Variants in KDM5B observed in about 807,000 individuals in gnomAD.
KDM5B encodes lysine-specific demethylase 5B.
In KDM5B, 144 loss-of-function variants were observed where a neutral mutation model predicts 193.4. The ratio of observed to expected loss-of-function variants is 0.74; its 90% CI spans 0.65 to 0.86. KDM5B has a LOEUF of 0.86. Among genes scored for constraint, KDM5B ranks in the 40% least tolerant of loss-of-function variants. The probability of loss-of-function intolerance (pLI) is 0.00; values close to 1 mark genes in which losing one functional copy is unlikely to be tolerated. For missense variants in KDM5B, 1,833 were observed against 1,886.9 expected (o/e 0.97, Z 0.53); for synonymous variants, 668 against 682.6 (o/e 0.98, Z 0.33).
At chr1:202,783,377 C>A (rs1352180674) in intron 1 of KDM5B, among the ~76,000 whole-genome samples, 1 of 151,888 alleles carries the variant, frequency 6.6e-6, no homozygotes, top group Non-Finnish European at 1.5e-5. Flanking sequence ...TGGTGGCATG[C>A]ACCTGTAGTC....
intron 4 of KDM5B, chr1:202,767,483 A>G (rs760222230): frequency 4.3e-6 from 4 of 933,532 alleles, no homozygotes; most frequent in Non-Finnish European, 3.5e-6. Flanking sequence ...GCGGCACCTC[A>G]CCAAGACCTT....
intron 4 of KDM5B, among the ~76,000 whole-genome samples, chr1:202,768,084 T>C (rs1184730758): frequency 1.3e-5 from 2 of 152,220 alleles, no homozygotes; most frequent in African/African-American, 2.4e-5. Context: ...TACCACAGTA[T>C]ATCCCTACAA....
intron 5 of KDM5B, 105 bp downstream of exon 5, chr1:202,766,821 G>T: frequency 7.8e-7 from 1 of 1,285,520 alleles, no homozygotes; most frequent in African/African-American, 1.5e-5. Flanking sequence ...GATTAACAAG[G>T]TTCAAAACTA....
intron 1 of KDM5B, among the ~76,000 whole-genome samples, chr1:202,790,062 G>A (rs879422107): frequency 5.9e-5 from 9 of 151,654 alleles, no homozygotes; most frequent in Non-Finnish European, 1.2e-4. Context: ...TTGAGGGTTC[G>A]AGACCAGCCT....
chr1:202,758,380 T>C lies in KDM5B; in HGVS notation c.1197+11A>G, dbSNP rs200872579. The C allele has an allele frequency of 3.7e-6, 6 of 1,603,206 alleles. No homozygotes were observed. The African/African-American group carries it at 5.3e-5, about 14-fold the overall frequency. On this transcript the variant is annotated intron_variant, in intron 9 of 26. Coordinates refer to ENST00000367265, the MANE Select transcript of KDM5B (RefSeq NM_006618.5). ...TAAAATCCTAAATCAAAGCAGTATA[T>C]ATGTACATACATGGACTGGCATGTT...
intron 22 of KDM5B, 33 bp from the exon 23 acceptor site, chr1:202,733,919 C>A: frequency 6.3e-7 from 1 of 1,575,798 alleles, no homozygotes; most frequent in South Asian, 1.2e-5. Flanking sequence ...GGATGATGTC[C>A]GAGATGGCTT....
chr1:202,802,800 T>C (rs971675435), intron 1 of KDM5B, among the ~76,000 whole-genome samples: 2 of 152,172 alleles, frequency 1.3e-5, no homozygotes, highest in African/African-American at 4.8e-5. Flanking sequence ...CCTGAAATAC[T>C]CTAATACTCT....
At chr1:202,763,931 T>C (rs1205568720) in intron 6 of KDM5B, 118 bp downstream of exon 6, 1 of 639,798 alleles carries the variant, frequency 1.6e-6, no homozygotes, top group Non-Finnish European at 2.7e-6. Context: ...ATGTACTGGC[T>C]GCTCTAAATT....
At chr1:202,801,169 CA>C (rs1475600779) in intron 1 of KDM5B, among the ~76,000 whole-genome samples, 2 of 152,076 alleles carry the variant, frequency 1.3e-5, no homozygotes, top group Non-Finnish European at 2.9e-5. Flanking sequence ...GTATGCTTCA[CA>C]TTTTTTGTAA....
intron 4 of KDM5B, among the ~76,000 whole-genome samples, chr1:202,771,386 C>A (rs1029939031): frequency 7.2e-6 from 1 of 139,328 alleles, no homozygotes; most frequent in African/African-American, 2.6e-5. Context: ...TGCCTGCCAC[C>A]ACATCCAGCT....
intron 1 of KDM5B, among the ~76,000 whole-genome samples, chr1:202,792,080 T>C (rs1205429296): frequency 2.0e-5 from 3 of 152,192 alleles, no homozygotes; most frequent in Non-Finnish European, 2.9e-5. Flanking sequence ...ACTCAATTCA[T>C]TTCTTCATTC....
At chr1:202,776,581 G>T (rs1656963838) in intron 2 of KDM5B, among the ~76,000 whole-genome samples, 1 of 151,942 alleles carries the variant, frequency 6.6e-6, no homozygotes, top group Non-Finnish European at 1.5e-5. Flanking sequence ...AAAATACAGG[G>T]TCTTGCTCTG....
chr1:202,754,143 C>G (rs1466615888), intron 11 of KDM5B, among the ~76,000 whole-genome samples: 7 of 152,164 alleles, frequency 4.6e-5, no homozygotes, highest in Non-Finnish European at 7.3e-5. Context: ...CTAAGGAATT[C>G]TTATTCTTCA....
intron 1 of KDM5B, among the ~76,000 whole-genome samples, chr1:202,777,644 T>C (rs567099334): frequency 1.4e-3 from 219 of 152,118 alleles, no homozygotes; most frequent in African/African-American, 5.1e-3. Context: ...AGGTGAACAC[T>C]ACCACACTCA....
rs139343230 is a variant in KDM5B at position 202,729,822 on chromosome 1, C to A, written c.4382G>T (p.Arg1461Leu). Residue 1461 changes from arginine (R) to leucine (L), a missense_variant, in exon 26 of 27, where the codon CGT becomes CTT. Coordinates refer to ENST00000367265, the MANE Select transcript of KDM5B (RefSeq NM_006618.5). ...LERERSYELV[R>L]SAETHSLPSD... is the part of the protein sequence containing the mutation. ...GGGCAGGGAATGAGTTTCAGCAGAA[C>A]GAACTAATTCATAGCTACGCTCTCT... 1 of 1,614,016 alleles carries A rather than the reference C, an allele frequency of 6.2e-7. No homozygotes were observed. Among genetic ancestry groups the A allele is most frequent in the Non-Finnish European group, 8.5e-7 (1 of 1,179,994 alleles).
rs781079272 is a variant in KDM5B at position 202,740,689 on chromosome 1, A to T, written c.3069T>A (p.Asp1023Glu). The change falls in exon 20 of 27, where the codon GAT becomes GAA. Residue 1023 changes from aspartate to glutamate, a missense_variant. Around this residue, in one of 3 missense-constraint regions of KDM5B, gnomAD observed 1,379 missense variants for 1,349.6 expected, o/e 1.02. Coordinates refer to ENST00000367265, the MANE Select transcript of KDM5B (RefSeq NM_006618.5). ...TAAAACCAACCTGCAGGCCCTCTAC[A>T]TCCTGAAGCCAGTCTCTGGCTCTCT... ...SVQRARDWLQ[D>E]VEGLQAGGRV... 4.3e-6 allele frequency: 7 copies of T among 1,612,132 alleles called. No individual in the cohort carries two copies. Among genetic ancestry groups the T allele is most frequent in the South Asian group, 2.2e-5 (2 of 90,968 alleles).
chr1:202,735,568 T>G lies in KDM5B; in HGVS notation c.3284A>C (p.Asp1095Ala). Residue 1095 changes from aspartate (D) to alanine (A), a missense_variant, in exon 22 of 27, where the codon GAT becomes GCT. Around this residue, in one of 3 missense-constraint regions of KDM5B, gnomAD observed 1,379 missense variants for 1,349.6 expected, o/e 1.02. Transcript: ENST00000367265. ...SLLEVLCPRC[D>A]IGLLGLKRKQ... is the part of the protein sequence containing the mutation. ...CCTTTTCAATCCCAAAAGGCCAATA[T>G]CACATCGAGGACACAGCACCTAATG... is the stretch of plus-strand genomic sequence containing the variant. 2 of 1,613,872 alleles carry G rather than the reference T, an allele frequency of 1.2e-6. No homozygotes were observed. The highest frequency in any genetic ancestry group is 1.7e-6 in the Non-Finnish European group (2 of 1,179,870).
At chr1:202,765,601 C>T (rs1274098832) in intron 5 of KDM5B, among the ~76,000 whole-genome samples, 1 of 152,198 alleles carries the variant, frequency 6.6e-6, no homozygotes, top group Non-Finnish European at 1.5e-5. Context: ...TTACTTTAAA[C>T]ATGCTTATGG....
intron 19 of KDM5B, 86 bp from the exon 20 acceptor site, chr1:202,740,898 G>C: frequency 7.4e-7 from 1 of 1,353,370 alleles, no homozygotes; most frequent in African/African-American, 1.5e-5. Flanking sequence ...CATTTCAAAG[G>C]AAATTCAGTA....
Sources: allele counts gnomAD v4.1 joint callset (sites outside exome capture counted in the v4.1 genomes callset), GRCh38; gene constraint gnomAD v4.1.1; regional missense constraint gnomAD v4.1.1; transcripts MANE v1.5; gene names NCBI Gene and HGNC (gene_info 2026-07-23, HGNC 2026-07-21).